B4GALT5: variants seen among roughly 807,000 people sequenced by gnomAD.
B4GALT5 encodes UDP-Gal:beta-GlcNAc beta-1,4-galactosyltransferase 5.
Under a neutral mutation model 45.0 loss-of-function variants are expected in B4GALT5, and 11 were observed. The observed-to-expected ratio is 0.24, with a 90% CI of 0.15 to 0.40. B4GALT5 has a LOEUF of 0.40. B4GALT5 is among the 10% of genes least tolerant of loss of function. The pLI is 1.00. For synonymous variants in B4GALT5, 185 were observed against 182.9 expected (o/e 1.01, Z -0.09); for missense variants, 337 against 500.2 (o/e 0.67, Z 3.11).
chr20:49,711,223 A>T (rs2085909920), intron 1 of B4GALT5, among the ~76,000 whole-genome samples: 1 of 152,156 alleles, frequency 6.6e-6, no homozygotes, highest in Non-Finnish European at 1.5e-5. Flanking sequence ...AAGGGGATAC[A>T]GTACTAATGA....
chr20:49,662,268 T>A (rs1185947344), intron 1 of B4GALT5, among the ~76,000 whole-genome samples: 1 of 152,112 alleles, frequency 6.6e-6, no homozygotes, highest in Non-Finnish European at 1.5e-5. Context: ...TATGCAAACA[T>A]ACAACACACA....
At chr20:49,676,540 G>T (rs2085738289) in intron 1 of B4GALT5, among the ~76,000 whole-genome samples, 1 of 152,236 alleles carries the variant, frequency 6.6e-6, no homozygotes, top group Non-Finnish European at 1.5e-5. Flanking sequence ...AATAAAGAGA[G>T]GTATGAATGT....
At chr20:49,689,606 A>G (rs1190797179) in intron 1 of B4GALT5, among the ~76,000 whole-genome samples, 1 of 152,180 alleles carries the variant, frequency 6.6e-6, no homozygotes, top group African/African-American at 2.4e-5. Context: ...CCATTAATCC[A>G]TCTTACTTTG....
At chr20:49,678,768 T>C (rs1386012833) in intron 1 of B4GALT5, among the ~76,000 whole-genome samples, 1 of 152,172 alleles carries the variant, frequency 6.6e-6, no homozygotes, top group Non-Finnish European at 1.5e-5. Flanking sequence ...AAAAACAAGC[T>C]GAGACTCAAT....
intron 1 of B4GALT5, among the ~76,000 whole-genome samples, chr20:49,709,531 G>A (rs1453911424): frequency 1.3e-5 from 2 of 152,128 alleles, no homozygotes; most frequent in Non-Finnish European, 2.9e-5. Flanking sequence ...TAGCACTTTG[G>A]GAGACTGAGG....
intron 1 of B4GALT5, among the ~76,000 whole-genome samples, chr20:49,693,198 T>C (rs2085823856): frequency 6.6e-6 from 1 of 152,242 alleles, no homozygotes; most frequent in African/African-American, 2.4e-5. Context: ...ATGCAACATA[T>C]GACTGTGTTT....
In B4GALT5 at chr20:49,639,365, T is replaced by C. The variant is rs185426026; in HGVS notation, c.917+313A>G. 8.5e-5 allele frequency among the ~76,000 whole-genome samples: 13 copies of C among 152,074 alleles called. No individual in the cohort carries two copies. The East Asian group carries it at 1.9e-3, about 23-fold the overall frequency. ...TAAAAACTTGGATGTGTGTGGTGTGTGTGTGTGTGTGTGTGTATTTTTTAA... is the reference window on the plus strand; with the variant it reads ...TAAAAACTTGGATGTGTGTGGTGTGCGTGTGTGTGTGTGTGTATTTTTTAA... On this transcript the variant is annotated intron_variant, in intron 7 of 8. Transcript: ENST00000371711.
chr20:49,680,470 T>C (rs2085759410), intron 1 of B4GALT5, among the ~76,000 whole-genome samples: 1 of 152,210 alleles, frequency 6.6e-6, no homozygotes, highest in South Asian at 2.1e-4. Context: ...TAGATGAACC[T>C]TGAAAACATG....
intron 2 of B4GALT5, among the ~76,000 whole-genome samples, chr20:49,653,090 A>T (rs1432018855): frequency 2.0e-5 from 3 of 152,218 alleles, no homozygotes; most frequent in Non-Finnish European, 4.4e-5. Context: ...GTATCCCCTT[A>T]TCTGAAATGC....
At chr20:49,693,509 G>T (rs915994894) in intron 1 of B4GALT5, among the ~76,000 whole-genome samples, 2 of 152,124 alleles carry the variant, frequency 1.3e-5, no homozygotes, top group East Asian at 1.9e-4. Context: ...AATTCTCCTT[G>T]TCCTAAACAA....
chr20:49,682,594 G>C (rs1349786476), intron 1 of B4GALT5, among the ~76,000 whole-genome samples: 2 of 152,076 alleles, frequency 1.3e-5, no homozygotes, highest in South Asian at 2.1e-4. Context: ...CCTCACTTCA[G>C]TGAGACCTTC....
At chr20:49,713,084 G>A (rs1417445959) in intron 1 of B4GALT5, among the ~76,000 whole-genome samples, 2 of 151,350 alleles carry the variant, frequency 1.3e-5, no homozygotes, top group Non-Finnish European at 2.9e-5. Context: ...AGTGGGGGAG[G>A]ATGGATGGGA....
At chr20:49,643,815 T>C (rs1388874183) in intron 3 of B4GALT5, among the ~76,000 whole-genome samples, 165 bp from the exon 4 acceptor site, 1 of 151,716 alleles carries the variant, frequency 6.6e-6, no homozygotes, top group Non-Finnish European at 1.5e-5. Flanking sequence ...TTTCAGTTCC[T>C]CACTATTTTC....
chr20:49,663,312 C>A (rs544346396), intron 1 of B4GALT5, among the ~76,000 whole-genome samples: 98 of 152,092 alleles, frequency 6.4e-4, no homozygotes, highest in Non-Finnish European at 1.2e-3. Flanking sequence ...CTTACATGTA[C>A]ACATTTTAAT....
In B4GALT5 at chr20:49,710,405, C is replaced by CTCTCT. The variant is rs60154358; in HGVS notation, c.115+3170_115+3171insAGAGA. Reference sequence around the variant, plus strand: ...TGTTATTTTCTGTTATTTTCTCTCTCTTTTTTTTTTTTTTGTGTGTGTGTG... The same window carrying CTCTCT: ...TGTTATTTTCTGTTATTTTCTCTCTCTCTCTTTTTTTTTTTTTTTGTGTGTGTGTG... On this transcript the variant is annotated intron_variant, in intron 1 of 8. Coordinates refer to ENST00000371711, the MANE Select transcript of B4GALT5 (RefSeq NM_004776.4). Among the ~76,000 whole-genome samples, 498 of 102,444 alleles carry CTCTCT rather than the reference C, an allele frequency of 4.9e-3. 5 individuals carry two copies. Among genetic ancestry groups the CTCTCT allele is most frequent in the African/African-American group, 0.017 (472 of 28,314 alleles). The allele number at this position is 102,444 out of a possible 152,430, so 67.2% of individuals were successfully genotyped here. A position where few individuals can be genotyped will look rare whatever the true frequency, so the allele number is the denominator to read the frequency against.
In B4GALT5 at chr20:49,636,522, A is replaced by C. The variant is rs180805162; in HGVS notation, c.1020-63T>G. The C allele has an allele frequency of 3.5e-3, 5,565 of 1,572,472 alleles. 15 individuals carry two copies. The highest frequency in any genetic ancestry group is 4.2e-3 in the Non-Finnish European group (4,812 of 1,148,308). ...TGAGGATCCATGCCTCTGCAGCCAG[A>C]GGATGGAGCAGGGCGTCCCACAGCA... On this transcript the variant is annotated intron_variant, in intron 8 of 8. Coordinates refer to ENST00000371711, the MANE Select transcript of B4GALT5 (RefSeq NM_004776.4).
chr20:49,703,008 C>T (rs938999234), intron 1 of B4GALT5, among the ~76,000 whole-genome samples: 1 of 151,590 alleles, frequency 6.6e-6, no homozygotes, highest in African/African-American at 2.4e-5. Flanking sequence ...CCCGTCTCTA[C>T]TAAAAATACA....
At chr20:49,699,296 T>C (rs2085851650) in intron 1 of B4GALT5, among the ~76,000 whole-genome samples, 1 of 141,488 alleles carries the variant, frequency 7.1e-6, no homozygotes, top group African/African-American at 2.7e-5. Flanking sequence ...CATTATTGTA[T>C]ACATACTGTA....
chr20:49,671,215 C>T (rs1262680795), intron 1 of B4GALT5, among the ~76,000 whole-genome samples: 2 of 151,990 alleles, frequency 1.3e-5, no homozygotes, highest in African/African-American at 4.8e-5. Flanking sequence ...CCCATCTCTA[C>T]AAAAAATACA....
Sources: gnomAD v4.1 joint callset for allele counts (sites outside exome capture counted in the v4.1 genomes callset) on GRCh38, gnomAD v4.1.1 for gene constraint, MANE v1.5 for transcripts, NCBI Gene and HGNC (gene_info 2026-07-23, HGNC 2026-07-21) for gene names.